USP7: variants seen among roughly 807,000 people sequenced by gnomAD.
USP7 encodes the protein ubiquitin specific peptidase 7.
In USP7, 9 loss-of-function variants were observed where a neutral mutation model predicts 162.9. The ratio of observed to expected loss-of-function variants is 0.06; its 90% CI spans 0.03 to 0.10. The LOEUF (loss-of-function observed/expected upper bound fraction) is 0.10. Among genes scored for constraint, USP7 ranks in the 10% least tolerant of loss-of-function variants. The pLI, the probability that USP7 is intolerant of heterozygous loss-of-function variation, is 1.00. For missense variants in USP7, 715 were observed against 1,373.7 expected (o/e 0.52, Z 7.58); for synonymous variants, 562 against 475.9 (o/e 1.18, Z -2.35).
chr16:8,922,176 T>C (rs1897730824), intron 3 of USP7, among the ~76,000 whole-genome samples: 1 of 152,144 alleles, frequency 6.6e-6, no homozygotes, highest in South Asian at 2.1e-4. Flanking sequence ...CATCATAAAA[T>C]TACCTTAAAC....
At chr16:8,901,095 T>C (rs746161415) in intron 19 of USP7, 38 bp from the exon 20 acceptor site, 11 of 1,613,470 alleles carry the variant, frequency 6.8e-6, no homozygotes, top group East Asian at 2.2e-5. Context: ...GTAGCTGTAA[T>C]GTACTGAGCA....
rs11647769 is a variant in USP7, at chr16:8,956,772, A to C, written c.79+6435T>G. ...ATTAAGACTTCGTATTAAAAAAACAAAAACAAAAAAAAAAAAACACTGAAT... is the reference window on the plus strand; with the variant it reads ...ATTAAGACTTCGTATTAAAAAAACACAAACAAAAAAAAAAAAACACTGAAT... On this transcript the variant is annotated intron_variant, in intron 1 of 30. Transcript: ENST00000344836. 3.0e-3 allele frequency among the ~76,000 whole-genome samples: 407 copies of C among 133,498 alleles called. 1 individual carries two copies. The highest frequency in any genetic ancestry group is 9.6e-3 in the African/African-American group (379 of 39,316). 87.6% of individuals were successfully genotyped at this position (133,498 alleles called of 152,430 possible). A position where few individuals can be genotyped will look rare whatever the true frequency, so the allele number is the denominator to read the frequency against.
intron 13 of USP7, among the ~76,000 whole-genome samples, chr16:8,905,877 C>G (rs1243898916): frequency 6.6e-6 from 1 of 152,268 alleles, no homozygotes; most frequent in Non-Finnish European, 1.5e-5. Context: ...GCTGCTGTTA[C>G]ACGCACTCTT....
chr16:8,951,733 C>T (rs1215911346), intron 1 of USP7, among the ~76,000 whole-genome samples: 1 of 152,240 alleles, frequency 6.6e-6, no homozygotes, highest in Non-Finnish European at 1.5e-5. Flanking sequence ...ACATTTAAAT[C>T]TCTCCATACA....
chr16:8,904,715 G>T, intron 14 of USP7, 150 bp from the exon 15 acceptor site: 2 of 1,135,770 alleles, frequency 1.8e-6, no homozygotes, highest in African/African-American at 1.6e-5. Context: ...GGCTGAGGCG[G>T]GCCGATCACG....
chr16:8,933,183 A>G (rs1596395503), intron 1 of USP7, among the ~76,000 whole-genome samples: 1 of 152,054 alleles, frequency 6.6e-6, no homozygotes, highest in African/African-American at 2.4e-5. Flanking sequence ...CAAGTGATCC[A>G]CCTGCCGTGG....
intron 30 of USP7, 52 bp from the exon 31 acceptor site, chr16:8,894,156 C>A: frequency 1.3e-6 from 2 of 1,548,486 alleles, no homozygotes; most frequent in Admixed American, 1.7e-5. Flanking sequence ...CCTGGAACCC[C>A]TCAGCGGGGT....
chr16:8,956,782 A>C (rs12929087), intron 1 of USP7, among the ~76,000 whole-genome samples: 55,770 of 150,488 alleles, frequency 0.37, 11,443 homozygotes, highest in East Asian at 0.58. Context: ...AAAACAAAAA[A>C]AAAAAAACAC....
intron 10 of USP7, among the ~76,000 whole-genome samples, chr16:8,912,711 C>A (rs1317096396): frequency 6.6e-6 from 1 of 151,526 alleles, no homozygotes; most frequent in Non-Finnish European, 1.5e-5. Context: ...TGATTGGGCA[C>A]AGGACCTCCG....
At position 8,915,431 on chromosome 16, in the gene USP7, T is replaced by A; in HGVS notation, c.987+14A>T. 2 of 1,613,816 alleles carry A rather than the reference T, an allele frequency of 1.2e-6. No individual in the cohort carries two copies. The highest frequency in any genetic ancestry group is 1.7e-6 in the Non-Finnish European group (2 of 1,179,960). On this transcript the variant is annotated intron_variant, in intron 9 of 30. Coordinates refer to ENST00000344836, the MANE Select transcript of USP7 (RefSeq NM_003470.3). ...ACCTTTAAAAATCATCTTTTAGAAC[T>A]GGTAGCCACATACCACCATTTTGCC...
At chr16:8,907,372 T>TGACC (rs1343569480) in intron 12 of USP7, among the ~76,000 whole-genome samples, 2 of 152,194 alleles carry the variant, frequency 1.3e-5, no homozygotes, top group Non-Finnish European at 2.9e-5. Context: ...TGTGAATGGG[T>TGACC]GACCAAAGCC....
intron 1 of USP7, among the ~76,000 whole-genome samples, chr16:8,943,685 G>A (rs1355974865): frequency 2.6e-5 from 4 of 152,154 alleles, no homozygotes; most frequent in African/African-American, 9.7e-5. Flanking sequence ...ATGGCTGGCG[G>A]GAACACACTT....
chr16:8,906,440 TG>T lies in USP7; in HGVS notation c.1413del (p.Asp474MetfsTer43), dbSNP rs1333172690. On this transcript the variant is annotated frameshift_variant, in exon 13 of 31. Coordinates refer to ENST00000344836, the MANE Select transcript of USP7 (RefSeq NM_003470.3). LOFTEE classifies it high-confidence loss of function. ...CCACCACTTACTTTGCCATCCCCTT[TG>T]GGGTTTAGATAAACCACATAATGTC... Reference protein sequence around the residue: ...HGGHYVVYLNPKGDGKWCKFD... With the variant: ...HGGHYVVYLNXKGDGKWCKFD... 6.2e-7 allele frequency: 1 copy of T among 1,612,054 alleles called. No homozygotes were observed. Among genetic ancestry groups the T allele is most frequent in the Non-Finnish European group, 8.5e-7 (1 of 1,179,930 alleles).
In USP7 at chr16:8,900,970, G is replaced by GA. The variant is rs776067441; in HGVS notation, c.2208+19dup. The GA allele has an allele frequency of 7.5e-6, 12 of 1,609,730 alleles. No homozygotes were observed. In the African/African-American group the frequency reaches 1.2e-4, roughly 16 times the overall value. ...AACTACTAAGAATATACTAATTATG[G>GA]AAAAATAAACCATCCAAACCTCATA... On this transcript the variant is annotated intron_variant, in intron 20 of 30. Coordinates refer to ENST00000344836, the MANE Select transcript of USP7 (RefSeq NM_003470.3).
chr16:8,912,942 A>G (rs1217658254), intron 10 of USP7, among the ~76,000 whole-genome samples: 2 of 152,258 alleles, frequency 1.3e-5, no homozygotes, highest in Non-Finnish European at 2.9e-5. Context: ...ATCAAGACAG[A>G]GCAACAGAAA....
chr16:8,896,547 C>T (rs1382375876), intron 26 of USP7, among the ~76,000 whole-genome samples: 1 of 152,192 alleles, frequency 6.6e-6, no homozygotes, highest in Non-Finnish European at 1.5e-5. Flanking sequence ...CTTCTTTCTA[C>T]AGCCCAAATG....
chr16:8,930,022 G>C (rs1241758901), intron 2 of USP7, among the ~76,000 whole-genome samples: 1 of 152,172 alleles, frequency 6.6e-6, no homozygotes, highest in Non-Finnish European at 1.5e-5. Context: ...AGTGGCTGGA[G>C]ACCTGCAGGC....
rs2061640172 is a variant in USP7, at chr16:8,893,773, A to G, written c.*225T>C. 1 of 502,628 alleles carries G rather than the reference A, an allele frequency of 2.0e-6. No individual in the cohort carries two copies. Among genetic ancestry groups the G allele is most frequent in the Admixed American group, 3.2e-5 (1 of 30,948 alleles). 31.1% of individuals were successfully genotyped at this position (502,628 alleles called of 1,614,324 possible). On this transcript the variant is annotated 3_prime_UTR_variant, in exon 31 of 31. Transcript: ENST00000344836. The stretch of plus-strand genomic sequence containing the variant: ...CTTGCACTGTGGTTACCATAAAATA[A>G]CTCTCATTGGCATCCAAGCTTTATA...
intron 1 of USP7, among the ~76,000 whole-genome samples, chr16:8,948,578 G>A (rs1442081373): frequency 2.0e-5 from 3 of 152,178 alleles, no homozygotes; most frequent in Admixed American, 6.5e-5. Context: ...TATTACAGAT[G>A]ACACAATCCT....
Sources: gnomAD v4.1 joint callset for allele counts (sites outside exome capture counted in the v4.1 genomes callset) on GRCh38, gnomAD v4.1.1 for gene constraint, MANE v1.5 for transcripts, NCBI Gene and HGNC (gene_info 2026-07-23, HGNC 2026-07-21) for gene names.